NRG3: variants seen among roughly 807,000 people sequenced by gnomAD.
The protein encoded by NRG3 is pro-neuregulin-3, membrane-bound isoform.
Under a neutral mutation model 66.9 loss-of-function variants are expected in NRG3, and 31 were observed. The observed-to-expected ratio is 0.46, with a 90% CI of 0.35 to 0.63. The LOEUF is 0.63. Among genes scored for constraint, NRG3 ranks in the 20% least tolerant of loss-of-function variants. The probability of loss-of-function intolerance (pLI) is 0.00; values close to 1 mark genes in which losing one functional copy is unlikely to be tolerated. For synonymous variants in NRG3, 393 were observed against 359.4 expected (o/e 1.09, Z -1.06); for missense variants, 910 against 878.9 (o/e 1.04, Z -0.45).
At chr10:82,960,433 C>G (rs1263035689) in intron 6 of NRG3, among the ~76,000 whole-genome samples, 1 of 148,788 alleles carries the variant, frequency 6.7e-6, no homozygotes, top group Non-Finnish European at 1.5e-5. Context: ...AATAGTTGAA[C>G]TGAACTTCTA....
At chr10:82,816,889 A>G (rs1425408642) in intron 3 of NRG3, among the ~76,000 whole-genome samples, 1 of 152,242 alleles carries the variant, frequency 6.6e-6, no homozygotes, top group Non-Finnish European at 1.5e-5. Flanking sequence ...TCTTTGTTGC[A>G]GTCCTCATTT....
intron 3 of NRG3, among the ~76,000 whole-genome samples, chr10:82,783,608 T>A (rs956716242): frequency 1.3e-5 from 2 of 152,074 alleles, no homozygotes; most frequent in African/African-American, 4.8e-5. Flanking sequence ...CCATTCACAA[T>A]TGCTTCAAAG....
chr10:82,445,804 G>C (rs2090691849), intron 2 of NRG3, among the ~76,000 whole-genome samples: 1 of 152,076 alleles, frequency 6.6e-6, no homozygotes, highest in Non-Finnish European at 1.5e-5. Context: ...TCTCCAGAAG[G>C]CCACCAGCCT....
chr10:82,261,499 G>A (rs56909491), intron 1 of NRG3, among the ~76,000 whole-genome samples: 6 of 152,274 alleles, frequency 3.9e-5, no homozygotes, highest in Non-Finnish European at 5.9e-5. Flanking sequence ...ACCCAGCGGC[G>A]CTAGAGGAAT....
chr10:82,531,918 T>C (rs892833836), intron 2 of NRG3, among the ~76,000 whole-genome samples: 1 of 151,908 alleles, frequency 6.6e-6, no homozygotes, highest in Non-Finnish European at 1.5e-5. Flanking sequence ...TTCTTGCTTA[T>C]TGATTACTAA....
At chr10:81,979,983 C>A (rs899667658) in intron 1 of NRG3, among the ~76,000 whole-genome samples, 2 of 152,146 alleles carry the variant, frequency 1.3e-5, no homozygotes, top group African/African-American at 4.8e-5. Flanking sequence ...AAGGGTTAAC[C>A]AACCAGCCCT....
At chr10:82,294,117 G>T (rs2079906856) in intron 1 of NRG3, among the ~76,000 whole-genome samples, 1 of 152,090 alleles carries the variant, frequency 6.6e-6, no homozygotes, top group Admixed American at 6.5e-5. Flanking sequence ...TACTCAAAAA[G>T]AGAAAGAGCA....
chr10:82,276,268 A>C (rs974345463), intron 1 of NRG3, among the ~76,000 whole-genome samples: 25 of 152,040 alleles, frequency 1.6e-4, no homozygotes, highest in South Asian at 2.1e-4. Flanking sequence ...GAATGGCCAC[A>C]CTCTTTTAAA....
chr10:82,982,242 G>A (rs185493023), intron 8 of NRG3, among the ~76,000 whole-genome samples: 9 of 152,304 alleles, frequency 5.9e-5, no homozygotes, highest in Admixed American at 4.6e-4. Flanking sequence ...GTCGCCTAGA[G>A]AAACACAAAT....
rs934136684 is a variant in NRG3 at position 82,500,504 on chromosome 10, A to G, written c.953+141636A>G. ...ACCTTTTTGTAGGTTGAATTATTTC[A>G]GCAGTTTCAATTGCCATCCTTGCTT... On this transcript the variant is annotated intron_variant, in intron 2 of 8. Transcript: ENST00000372141. Among the ~76,000 whole-genome samples, 7 of 152,184 alleles carry G rather than the reference A, an allele frequency of 4.6e-5. No homozygotes were observed. The East Asian group carries it at 1.3e-3, about 29-fold the overall frequency.
chr10:82,596,349 G>A (rs574563024), intron 2 of NRG3, among the ~76,000 whole-genome samples: 12 of 152,314 alleles, frequency 7.9e-5, no homozygotes, highest in East Asian at 5.8e-4. Flanking sequence ...TTGGCAATTC[G>A]TTGCAGATAA....
At chr10:82,768,777 G>A (rs1049099518) in intron 3 of NRG3, among the ~76,000 whole-genome samples, 1 of 151,958 alleles carries the variant, frequency 6.6e-6, no homozygotes, top group Non-Finnish European at 1.5e-5. Context: ...AGCTTCTTAA[G>A]TTGTTTAATG....
chr10:82,461,185 C>T (rs1016179421), intron 2 of NRG3, among the ~76,000 whole-genome samples: 2 of 152,052 alleles, frequency 1.3e-5, no homozygotes, highest in African/African-American at 4.8e-5. Context: ...TCAACACCAT[C>T]ACCACCACAA....
intron 2 of NRG3, among the ~76,000 whole-genome samples, chr10:82,435,800 G>A (rs1410270701): frequency 2.6e-5 from 1 of 39,068 alleles, no homozygotes; most frequent in Non-Finnish European, 5.4e-5. Flanking sequence ...TTTTTTTTTT[G>A]AGATGGAGTC....
intron 1 of NRG3, among the ~76,000 whole-genome samples, chr10:82,309,043 A>G (rs1260672100): frequency 6.6e-6 from 1 of 152,218 alleles, no homozygotes; most frequent in African/African-American, 2.4e-5. Flanking sequence ...GAATGATACC[A>G]TCATTTTTCT....
chr10:82,706,652 A>G lies in NRG3; in HGVS notation c.954-31925A>G, dbSNP rs979087170. ...ATTTAGAAATGATACATGTATATCA[A>G]GTTTATTATTTTTGAATATTTTATT... On this transcript the variant is annotated intron_variant, in intron 2 of 8. Coordinates refer to ENST00000372141, the MANE Select transcript of NRG3 (RefSeq NM_001010848.4). Among the ~76,000 whole-genome samples, 9 of 152,308 alleles carry G rather than the reference A, an allele frequency of 5.9e-5. No individual in the cohort carries two copies. The East Asian group carries it at 1.7e-3, about 29-fold the overall frequency.
chr10:82,081,786 A>G (rs2065410271), intron 1 of NRG3, among the ~76,000 whole-genome samples: 1 of 152,222 alleles, frequency 6.6e-6, no homozygotes, highest in African/African-American at 2.4e-5. Flanking sequence ...GTCTGGGTGC[A>G]TGTGCCACAT....
intron 2 of NRG3, among the ~76,000 whole-genome samples, chr10:82,688,227 A>G (rs2134178857): frequency 6.6e-6 from 1 of 152,296 alleles, no homozygotes; most frequent in Admixed American, 6.5e-5. Flanking sequence ...GTATTACACC[A>G]TTTACCACAA....
intron 1 of NRG3, among the ~76,000 whole-genome samples, chr10:82,290,364 T>C (rs2079655170): frequency 6.6e-6 from 1 of 152,188 alleles, no homozygotes; most frequent in African/African-American, 2.4e-5. Context: ...ACATTTTGTA[T>C]GTTTTAGTAA....
Sources: gnomAD v4.1 joint callset for allele counts (sites outside exome capture counted in the v4.1 genomes callset) on GRCh38, gnomAD v4.1.1 for gene constraint, MANE v1.5 for transcripts, NCBI Gene and HGNC (gene_info 2026-07-23, HGNC 2026-07-21) for gene names.